The following TOX2 variants were observed in gnomAD, a reference collection of about 807,000 sequenced individuals.
The protein encoded by TOX2 is TOX high mobility group box family member 2.
TOX2 carries 15 observed loss-of-function variants against 47.4 expected under a neutral mutation model. The observed-to-expected ratio is 0.32, with a 90% CI of 0.21 to 0.49. The LOEUF (loss-of-function observed/expected upper bound fraction) is 0.49. Ranked by LOEUF, TOX2 falls within the 20% of genes least tolerant of loss-of-function variation. TOX2 has a pLI of 0.99. For missense variants in TOX2, 622 were observed against 673.1 expected (o/e 0.92, Z 0.84); for synonymous variants, 290 against 296.6 (o/e 0.98, Z 0.23).
In TOX2 at chr20:43,973,356, CTCTAT is replaced by C. The variant is rs1569049884; in HGVS notation, c.100-6_100-2del. ...TAATCAGAGCTGCTTCTCCCTCTCT[CTCTAT>C]TCTAGTTTGATGGTGACAGTGCCTA... On this transcript the variant is annotated splice_polypyrimidine_tract_variant and splice_region_variant and intron_variant, in intron 1 of 8. Coordinates refer to ENST00000341197, the MANE Select transcript of TOX2 (RefSeq NM_001098797.2). 6.2e-7 allele frequency: 1 copy of C among 1,614,040 alleles called. No homozygotes were observed. The highest frequency in any genetic ancestry group is 1.3e-5 in the African/African-American group (1 of 75,056).
At position 44,068,996 on chromosome 20, in the gene TOX2, T is replaced by TCCAGCC. The variant is rs1234626063; in HGVS notation, c.*318_*323dup. 2.0e-5 allele frequency: 10 copies of TCCAGCC among 507,042 alleles called. No individual in the cohort carries two copies. The highest frequency in any genetic ancestry group is 4.4e-5 in the East Asian group (1 of 22,638). The allele number at this position is 507,042 out of a possible 1,614,324, so 31.4% of individuals were successfully genotyped here. On this transcript the variant is annotated 3_prime_UTR_variant, in exon 9 of 9. Coordinates refer to ENST00000341197, the MANE Select transcript of TOX2 (RefSeq NM_001098797.2). Reference sequence around the variant, plus strand: ...CTATGTCTGGACACCCGGCCCCAGCTCCAGCCCCAGCCCAGGTGGGCCGCC... The same window carrying TCCAGCC: ...CTATGTCTGGACACCCGGCCCCAGCTCCAGCCCCAGCCCCAGCCCAGGTGGGCCGCC...
At chr20:44,012,607 A>G (rs1429568750) in intron 3 of TOX2, among the ~76,000 whole-genome samples, 2 of 152,126 alleles carry the variant, frequency 1.3e-5, no homozygotes, top group East Asian at 1.9e-4. Flanking sequence ...CCTGTTTGCT[A>G]TCTTTGGGAT....
At chr20:43,961,366 TG>T (rs139693825) in intron 1 of TOX2, among the ~76,000 whole-genome samples, 1,698 of 152,216 alleles carry the variant, frequency 0.011, 22 homozygotes, top group Non-Finnish European at 0.017. Flanking sequence ...CCTGGACTGT[TG>T]GGCTGGCAGG....
chr20:43,984,497 C>T (rs193026608), intron 2 of TOX2, among the ~76,000 whole-genome samples: 6 of 152,218 alleles, frequency 3.9e-5, no homozygotes, highest in Admixed American at 2.6e-4. Context: ...AGAAAACTGC[C>T]GAGGAGGAGT....
chr20:44,065,768 G>C lies in TOX2; in HGVS notation c.1017G>C (p.Met339Ile). ...KSTQANPPAK[M>I]LPPKQPMYAM... ...CTCAGGCAAACCCACCAGCCAAAAT[G>C]CTCCCACCCAAGCAGCCCATGTATG... Residue 339 changes from methionine to isoleucine, a missense_variant, in exon 7 of 9, where the codon ATG (methionine) becomes ATC (isoleucine). Physicochemically the swap from Met to Ile is conservative, Grantham distance 10. Transcript: ENST00000341197. 1.2e-6 allele frequency: 2 copies of C among 1,608,986 alleles called. No individual in the cohort carries two copies. Among genetic ancestry groups the C allele is most frequent in the Non-Finnish European group, 1.7e-6 (2 of 1,176,034 alleles).
At chr20:43,951,920 CG>C (rs2069581417) in intron 1 of TOX2, among the ~76,000 whole-genome samples, 1 of 150,222 alleles carries the variant, frequency 6.7e-6, no homozygotes, top group East Asian at 2.0e-4. Flanking sequence ...TTTTTGAGGC[CG>C]AGTCTCGCTC....
intron 3 of TOX2, among the ~76,000 whole-genome samples, chr20:44,016,905 C>T (rs192102278): frequency 7.8e-4 from 119 of 152,244 alleles, no homozygotes; most frequent in Admixed American, 4.1e-3. Context: ...AGTGTTTTAA[C>T]GAAATATTTT....
intron 3 of TOX2, among the ~76,000 whole-genome samples, chr20:44,017,587 T>C (rs78892662): frequency 0.012 from 1,773 of 152,308 alleles, 34 homozygotes; most frequent in African/African-American, 0.04. Flanking sequence ...CCACACCTTA[T>C]TTGACCTTGT....
At chr20:43,991,481 C>T (rs551675262) in intron 2 of TOX2, among the ~76,000 whole-genome samples, 82 of 152,284 alleles carry the variant, frequency 5.4e-4, no homozygotes, top group Non-Finnish European at 9.7e-4. Flanking sequence ...AGTCCTTACT[C>T]GTTCATGCAT....
intron 3 of TOX2, among the ~76,000 whole-genome samples, chr20:44,023,655 C>T (rs1279925184): frequency 2.0e-5 from 3 of 152,196 alleles, no homozygotes; most frequent in Non-Finnish European, 4.4e-5. Flanking sequence ...CTGGGCGTGA[C>T]CACAGGCCAG....
At chr20:43,932,783 C>CCCCCCCCG (rs11283632) in intron 1 of TOX2, among the ~76,000 whole-genome samples, 2 of 148,964 alleles carry the variant, frequency 1.3e-5, no homozygotes, top group Admixed American at 6.8e-5. Context: ...TGCCCCCCCC[C>CCCCCCCCG]GCCATTTCTG....
chr20:44,023,883 C>A (rs1020375183), intron 3 of TOX2, among the ~76,000 whole-genome samples: 35 of 152,242 alleles, frequency 2.3e-4, no homozygotes, highest in African/African-American at 8.2e-4. Context: ...AAATGACAAC[C>A]TCATTGCTGC....
intron 3 of TOX2, among the ~76,000 whole-genome samples, chr20:44,018,466 C>T (rs1600742492): frequency 6.6e-6 from 1 of 152,302 alleles, no homozygotes; most frequent in East Asian, 1.9e-4. Flanking sequence ...GCTCTTTCCT[C>T]CGAGTGCATA....
intron 2 of TOX2, among the ~76,000 whole-genome samples, chr20:43,974,825 C>T (rs2070046741): frequency 6.6e-6 from 1 of 152,198 alleles, no homozygotes; most frequent in African/African-American, 2.4e-5. Context: ...TGCTGCGCCC[C>T]CTCCCCTGCC....
chr20:43,944,701 G>A (rs1418056304), intron 1 of TOX2, among the ~76,000 whole-genome samples: 1 of 152,236 alleles, frequency 6.6e-6, no homozygotes, highest in East Asian at 1.9e-4. Context: ...TTCCTGCTTA[G>A]TCTGGATCCT....
chr20:43,952,091 T>C (rs6065675), intron 1 of TOX2, among the ~76,000 whole-genome samples: 36,234 of 151,372 alleles, frequency 0.24, 5,921 homozygotes, highest in African/African-American at 0.45. Flanking sequence ...TTAGTAGAGA[T>C]GGGGTTTCAC....
chr20:43,924,370 A>C (rs1225686676), intron 1 of TOX2, among the ~76,000 whole-genome samples: 1 of 119,458 alleles, frequency 8.4e-6, no homozygotes, highest in East Asian at 3.0e-4. Context: ...TTAGGGGCTC[A>C]AAGATGCTCT....
intron 2 of TOX2, among the ~76,000 whole-genome samples, chr20:43,987,365 G>C (rs79465216): frequency 6.6e-6 from 1 of 152,186 alleles, no homozygotes; most frequent in Non-Finnish European, 1.5e-5. Flanking sequence ...ACCCTAGAGG[G>C]GGGTGGGGAG....
Position 44,026,246 on chromosome 20 carries a change from TATAGACAC to T in TOX2, c.411+19456_411+19463del, listed in dbSNP as rs1324701789. ...AAACTGTGATATATATATATATATATATAGACACACACACACACAATGGAATACTACTC... is the reference window on the plus strand; with the variant it reads ...AAACTGTGATATATATATATATATATACACACACACAATGGAATACTACTC... On this transcript the variant is annotated intron_variant, in intron 3 of 8. Transcript: ENST00000341197. Among the ~76,000 whole-genome samples the T allele has an allele frequency of 1.1e-3, 112 of 102,978 alleles. 18 individuals carry two copies. The highest frequency in any genetic ancestry group is 3.0e-3 in the African/African-American group (68 of 22,338). The allele number at this position is 102,978 out of a possible 152,430, so 67.6% of individuals were successfully genotyped here.
Sources: gnomAD v4.1 joint callset for allele counts (sites outside exome capture counted in the v4.1 genomes callset) on GRCh38, gnomAD v4.1.1 for gene constraint, MANE v1.5 for transcripts, NCBI Gene and HGNC (gene_info 2026-07-23, HGNC 2026-07-21) for gene names.